Variants in PHF24 observed in about 807,000 individuals in gnomAD.
The protein encoded by PHF24 is PHD finger protein 24.
In PHF24, 25 loss-of-function variants were observed where a neutral mutation model predicts 42.6. The ratio of observed to expected loss-of-function variants is 0.59; its 90% CI spans 0.43 to 0.82. PHF24 has a LOEUF of 0.82. Among genes scored for constraint, PHF24 ranks in the 40% least tolerant of loss-of-function variants. PHF24 has a pLI of 0.00. For synonymous variants in PHF24, 185 were observed against 204.8 expected (o/e 0.90, Z 0.83); for missense variants, 470 against 538.1 (o/e 0.87, Z 1.25).
At chr9:34,943,557 G>A in the PHF24 span, among the ~76,000 whole-genome samples, 2 of 152,084 alleles carry the variant, frequency 1.3e-5, no homozygotes, top group African/African-American at 4.8e-5. Flanking sequence ...AACTCAGACT[G>A]TGTATCCAGT....
At chr9:34,935,767 A>C in the PHF24 span, among the ~76,000 whole-genome samples, 1 of 151,652 alleles carries the variant, frequency 6.6e-6, no homozygotes, top group Non-Finnish European at 1.5e-5. Flanking sequence ...GTGTGTCAAC[A>C]GTATCTCACA....
chr9:34,923,049 G>GT, the PHF24 span: 22,198 of 381,936 alleles, frequency 0.058, 163 homozygotes, highest in African/African-American at 0.099. Flanking sequence ...TTTTGTTTTT[G>GT]TTTTTTTTTT....
the PHF24 span, among the ~76,000 whole-genome samples, chr9:34,941,896 C>T: frequency 6.6e-6 from 1 of 152,186 alleles, no homozygotes; most frequent in African/African-American, 2.4e-5. Flanking sequence ...GGGACACAAA[C>T]AGTCAGACCA....
At chr9:34,825,863 A>G in the PHF24 span, among the ~76,000 whole-genome samples, 1 of 151,900 alleles carries the variant, frequency 6.6e-6, no homozygotes, top group Non-Finnish European at 1.5e-5. Context: ...TGCTAGCACA[A>G]TTTACTGCAA....
At chr9:34,729,287 G>A in the PHF24 span, 2 of 1,551,894 alleles carry the variant, frequency 1.3e-6, no homozygotes, top group Non-Finnish European at 1.7e-6. Flanking sequence ...GCCCTACCCG[G>A]CAGCAGCTCC....
chr9:34,892,219 G>T, the PHF24 span, among the ~76,000 whole-genome samples: 2 of 152,286 alleles, frequency 1.3e-5, no homozygotes, highest in Admixed American at 6.5e-5. Flanking sequence ...GAACCATGGG[G>T]TTTGGGATTT....
upstream of PHF24, among the ~76,000 whole-genome samples, chr9:34,957,402 ATTAG>A (rs1303417505): frequency 6.6e-6 from 1 of 152,190 alleles, no homozygotes; most frequent in African/African-American, 2.4e-5. Flanking sequence ...TTTCCTTATA[ATTAG>A]TTGCTGGCTA....
At chr9:34,979,684 G>A (rs1040873884) in exon 8 of PHF24, 3 of 152,252 alleles carry the variant, frequency 2.0e-5, no homozygotes, top group Non-Finnish European at 4.4e-5. Flanking sequence ...GGTGCTGAAT[G>A]TTTCGAGGAA....
At chr9:34,822,615 G>A in the PHF24 span, among the ~76,000 whole-genome samples, 6 of 152,158 alleles carry the variant, frequency 3.9e-5, no homozygotes, top group African/African-American at 7.2e-5. Context: ...TGTTATGTGC[G>A]TGATTCCAGA....
exon 3 of PHF24, chr9:34,972,444 G>A: frequency 6.2e-7 from 1 of 1,614,182 alleles, no homozygotes; most frequent in African/African-American, 1.3e-5. Context: ...ATGGCTGCCT[G>A]CGCCGCATGG....
chr9:34,754,527 A>G, the PHF24 span, among the ~76,000 whole-genome samples: 29 of 152,196 alleles, frequency 1.9e-4, no homozygotes, highest in African/African-American at 6.5e-4. Context: ...CCCAGTTAAA[A>G]TAGTTTTTAT....
the PHF24 span, among the ~76,000 whole-genome samples, chr9:34,694,587 C>T: frequency 6.6e-6 from 1 of 152,170 alleles, no homozygotes; most frequent in Non-Finnish European, 1.5e-5. Flanking sequence ...CCTGCTTTGG[C>T]CTCCCAAAGT....
chr9:34,744,217 C>T, the PHF24 span, among the ~76,000 whole-genome samples: 1 of 152,144 alleles, frequency 6.6e-6, no homozygotes, highest in African/African-American at 2.4e-5. Context: ...CTGAAGATAA[C>T]GATGGACCAT....
chr9:34,879,855 C>G, the PHF24 span, among the ~76,000 whole-genome samples: 1 of 152,042 alleles, frequency 6.6e-6, no homozygotes, highest in African/African-American at 2.4e-5. Context: ...GAGAACGCCA[C>G]AAAGATACTC....
chr9:34,964,005 T>A (rs78726426), intron 1 of PHF24, among the ~76,000 whole-genome samples: 2,000 of 152,350 alleles, frequency 0.013, 34 homozygotes, highest in East Asian at 0.072. Flanking sequence ...CCTTAATGCT[T>A]AATGGAGATG....
At chr9:34,801,365 T>C in the PHF24 span, among the ~76,000 whole-genome samples, 1 of 152,162 alleles carries the variant, frequency 6.6e-6, no homozygotes, top group Non-Finnish European at 1.5e-5. Context: ...TGCAGCACTA[T>C]TTACAATAGC....
At chr9:34,905,763 A>G in the PHF24 span, among the ~76,000 whole-genome samples, 1 of 152,352 alleles carries the variant, frequency 6.6e-6, no homozygotes, top group South Asian at 2.1e-4. Context: ...TGCAGAAATA[A>G]CAGAAGGATT....
chr9:34,921,198 A>T, the PHF24 span, among the ~76,000 whole-genome samples: 2 of 151,698 alleles, frequency 1.3e-5, no homozygotes, highest in Non-Finnish European at 2.9e-5. Context: ...CCATTCTTAA[A>T]ACTTTTATTC....
At chr9:34,835,580 T>C in the PHF24 span, 1 of 1,551,734 alleles carries the variant, frequency 6.4e-7, no homozygotes, top group Non-Finnish European at 8.7e-7. Flanking sequence ...AAGGCTGGGG[T>C]TGCTCTGCTC....
Sources: gnomAD v4.1 joint callset for allele counts (sites outside exome capture counted in the v4.1 genomes callset) on GRCh38, gnomAD v4.1.1 for gene constraint, MANE v1.5 for transcripts, NCBI Gene and HGNC (gene_info 2026-07-23, HGNC 2026-07-21) for gene names.